Variants in XIRP2 observed in about 807,000 individuals in gnomAD.
XIRP2 encodes xin actin-binding repeat-containing protein 2.
Under a neutral mutation model 277.0 loss-of-function variants are expected in XIRP2, and 236 were observed. The observed-to-expected ratio is 0.85, with a 90% CI of 0.77 to 0.95. The LOEUF (loss-of-function observed/expected upper bound fraction) is 0.95. Ranked by LOEUF, XIRP2 falls within the 40% of genes least tolerant of loss-of-function variation. The pLI, the probability that XIRP2 is intolerant of heterozygous loss-of-function variation, is 0.00. For synonymous variants in XIRP2, 1,490 were observed against 1,416.5 expected (o/e 1.05, Z -1.17); for missense variants, 4,640 against 4,157.5 (o/e 1.12, Z -3.19).
At chr2:166,969,017 A>G (rs553746304) in intron 2 of XIRP2, among the ~76,000 whole-genome samples, 1 of 152,096 alleles carries the variant, frequency 6.6e-6, no homozygotes, top group South Asian at 2.1e-4. Flanking sequence ...GAAGAGTTTT[A>G]TCAAGGCTCT....
chr2:166,888,743 A>G (rs1386944774), intron 1 of XIRP2, among the ~76,000 whole-genome samples, 186 bp downstream of exon 1: 1 of 152,226 alleles, frequency 6.6e-6, no homozygotes, highest in Non-Finnish European at 1.5e-5. Context: ...AGTGACAGAC[A>G]CTGCTGCTAG....
At chr2:166,912,468 T>C (rs1684736757) in intron 2 of XIRP2, among the ~76,000 whole-genome samples, 1 of 152,260 alleles carries the variant, frequency 6.6e-6, no homozygotes, top group African/African-American at 2.4e-5. Context: ...TCAGGTCATT[T>C]AATGACTTCT....
At chr2:166,897,340 G>A (rs1684270308) in intron 1 of XIRP2, among the ~76,000 whole-genome samples, 1 of 152,062 alleles carries the variant, frequency 6.6e-6, no homozygotes, top group Admixed American at 6.6e-5. Flanking sequence ...CCCTGATCAG[G>A]GAATATGGGA....
chr2:166,984,910 T>C (rs1397883500), intron 2 of XIRP2, among the ~76,000 whole-genome samples: 2 of 152,234 alleles, frequency 1.3e-5, no homozygotes, highest in Non-Finnish European at 2.9e-5. Flanking sequence ...TGAATTTTAC[T>C]TTTTTCAAAT....
chr2:167,224,733 T>G (rs1330402859), intron 5 of XIRP2, among the ~76,000 whole-genome samples: 1 of 152,172 alleles, frequency 6.6e-6, no homozygotes, highest in African/African-American at 2.4e-5. Flanking sequence ...ATATTGACCC[T>G]TAAGCCAAGA....
chr2:167,010,663 T>C (rs922440234), intron 2 of XIRP2, among the ~76,000 whole-genome samples: 2 of 152,168 alleles, frequency 1.3e-5, no homozygotes, highest in Non-Finnish European at 2.9e-5. Context: ...CCTTGGGCAG[T>C]ATGGCCATTT....
intron 2 of XIRP2, among the ~76,000 whole-genome samples, chr2:167,030,987 G>A (rs1234829654): frequency 6.8e-6 from 1 of 146,308 alleles, no homozygotes; most frequent in East Asian, 2.0e-4. Flanking sequence ...TTTCAAGTCT[G>A]TTTTATCAGA....
chr2:167,144,208 G>A (rs1574294179), intron 3 of XIRP2, among the ~76,000 whole-genome samples: 1 of 151,954 alleles, frequency 6.6e-6, no homozygotes, highest in East Asian at 1.9e-4. Flanking sequence ...TTTTCTCTTT[G>A]AGAAGTTACA....
At chr2:167,237,637 G>A (rs1018264806) in intron 5 of XIRP2, among the ~76,000 whole-genome samples, 1 of 152,124 alleles carries the variant, frequency 6.6e-6, no homozygotes, top group Non-Finnish European at 1.5e-5. Context: ...TAAAATCACT[G>A]TGTGGGCCAA....
At position 167,244,561 on chromosome 2, in the gene XIRP2, T is replaced by G. The variant is rs752756319; in HGVS notation, c.3169T>G (p.Trp1057Gly). ...IQTGNVKSAK[W>G]LFETQPLDSI... Reference sequence around the variant, plus strand: ...GACTGGAAATGTGAAATCTGCCAAATGGTTGTTTGAAACCCAACCTCTTGA... The same window carrying G: ...GACTGGAAATGTGAAATCTGCCAAAGGGTTGTTTGAAACCCAACCTCTTGA... The change falls in exon 9 of 11, where the codon TGG becomes GGG. Residue 1057 changes from tryptophan (W) to glycine (G), a missense_variant. Trp to Gly is a radical substitution (Grantham distance 184). Coordinates refer to ENST00000409195, the MANE Select transcript of XIRP2 (RefSeq NM_152381.6). 6.2e-7 allele frequency: 1 copy of G among 1,612,920 alleles called. No individual in the cohort carries two copies. The highest frequency in any genetic ancestry group is 1.7e-5 in the Admixed American group (1 of 59,838).
chr2:167,248,092 A>G lies in XIRP2; in HGVS notation c.6700A>G (p.Thr2234Ala). 2 of 1,613,362 alleles carry G rather than the reference A, an allele frequency of 1.2e-6. No homozygotes were observed. The highest frequency in any genetic ancestry group is 1.7e-6 in the Non-Finnish European group (2 of 1,179,734). The change falls in exon 9 of 11, where the codon ACA becomes GCA. Residue 2234 changes from threonine (T) to alanine (A), a missense_variant. Transcript: ENST00000409195. ...EMKVSEKSHN[T>A]FKATNKKRET... ...GAAAGTCTCTGAAAAAAGTCACAATACATTTAAGGCAACCAACAAAAAGCG... is the reference window on the plus strand; with the variant it reads ...GAAAGTCTCTGAAAAAAGTCACAATGCATTTAAGGCAACCAACAAAAAGCG...
In XIRP2 at chr2:167,210,793, C is replaced by G. The variant is rs375656687; in HGVS notation, c.621C>G (p.Gly207=). 10 of 1,614,076 alleles carry G rather than the reference C, an allele frequency of 6.2e-6. No individual in the cohort carries two copies. In the South Asian group the frequency reaches 9.9e-5, roughly 16 times the overall value. The change falls in exon 4 of 11, where the codon GGC becomes GGG. Residue 207 remains glycine, a synonymous_variant. Coordinates refer to ENST00000409195, the MANE Select transcript of XIRP2 (RefSeq NM_152381.6). ...TTGCAGAAGACAGTGCTGCTCGGGG[C>G]GAGGGTGTGTCAGACCTCCACGAAG... ...SGFAEDSAAR[G]EGVSDLHEVV...
intron 3 of XIRP2, among the ~76,000 whole-genome samples, chr2:167,179,692 G>C (rs1247966433): frequency 6.6e-6 from 1 of 151,028 alleles, no homozygotes; most frequent in Non-Finnish European, 1.5e-5. Context: ...CCAAGCTGGA[G>C]TGCAGTGGCA....
chr2:166,977,852 T>A (rs530818565), intron 2 of XIRP2, among the ~76,000 whole-genome samples: 1 of 152,196 alleles, frequency 6.6e-6, no homozygotes, highest in Non-Finnish European at 1.5e-5. Flanking sequence ...AGAAATGCAT[T>A]GCCTCAAGAA....
At chr2:167,169,603 G>A (rs1292966311) in intron 3 of XIRP2, among the ~76,000 whole-genome samples, 1 of 152,192 alleles carries the variant, frequency 6.6e-6, no homozygotes, top group East Asian at 1.9e-4. Context: ...GACTTCTCAA[G>A]ACTGAGTGAG....
chr2:167,076,942 T>C (rs1335353498), intron 2 of XIRP2, among the ~76,000 whole-genome samples: 1 of 152,140 alleles, frequency 6.6e-6, no homozygotes, highest in African/African-American at 2.4e-5. Context: ...GCGATTCTCC[T>C]GACTCAGCCA....
chr2:167,227,204 C>T (rs1315050675), intron 5 of XIRP2, among the ~76,000 whole-genome samples: 1 of 152,092 alleles, frequency 6.6e-6, no homozygotes, highest in Non-Finnish European at 1.5e-5. Context: ...TGACATTTCT[C>T]TTGAGATAAC....
chr2:167,251,095 C>A lies in XIRP2; in HGVS notation c.9703C>A (p.Pro3235Thr). The A allele has an allele frequency of 6.2e-7, 1 of 1,613,582 alleles. No homozygotes were observed. Among genetic ancestry groups the A allele is most frequent in the South Asian group, 1.1e-5 (1 of 91,080 alleles). The part of the protein sequence containing the change: ...IKIETRGRDS[P>T]PTITIPVNIN... ...GATAGAAACTCGTGGTAGGGACTCTCCACCTACAATCACAATACCAGTAAA... is the reference window on the plus strand; with the variant it reads ...GATAGAAACTCGTGGTAGGGACTCTACACCTACAATCACAATACCAGTAAA... The change falls in exon 9 of 11, where the codon CCA becomes ACA. Residue 3235 changes from proline to threonine, a missense_variant. Physicochemically the swap from Pro to Thr is conservative, Grantham distance 38. Coordinates refer to ENST00000409195, the MANE Select transcript of XIRP2 (RefSeq NM_152381.6).
chr2:167,036,824 T>C lies in XIRP2; in HGVS notation c.409-99085T>C, dbSNP rs59361788. ...GTGGAAGGGCCCCAGGGGTAGGTAA[T>C]TGAATCATGGGGGCTGGTCTTTCCA... On this transcript the variant is annotated intron_variant, in intron 2 of 10. Transcript: ENST00000409195. Among the ~76,000 whole-genome samples the C allele has an allele frequency of 6.1e-3, 936 of 152,234 alleles. 76 individuals are homozygous for C. The East Asian group carries it at 0.16, about 26-fold the overall frequency.
Sources: allele counts gnomAD v4.1 joint callset (sites outside exome capture counted in the v4.1 genomes callset), GRCh38; gene constraint gnomAD v4.1.1; transcripts MANE v1.5; gene names NCBI Gene and HGNC (gene_info 2026-07-23, HGNC 2026-07-21).